The following TMEM213 variants were observed in gnomAD, a reference collection of about 807,000 sequenced individuals.
TMEM213 encodes transmembrane protein 213.
Under a neutral mutation model 11.6 loss-of-function variants are expected in TMEM213, and 7 were observed. The observed-to-expected ratio is 0.60, with a 90% CI of 0.34 to 1.13. TMEM213 has a LOEUF of 1.13. Among genes scored for constraint, TMEM213 ranks in the 50% most tolerant of loss-of-function variants. TMEM213 has a pLI of 0.03. For synonymous variants in TMEM213, 60 were observed against 58.3 expected, an observed-to-expected ratio of 1.03 and a Z score of -0.13; for missense variants, 129 against 139.0, an observed-to-expected ratio of 0.93 and a Z score of 0.36.
rs138299222 is a variant in TMEM213 at position 138,798,112 on chromosome 7, G to A, written c.8G>A (p.Arg3His). MQ[R>H]LPAATRATLI... Reference sequence around the variant, plus strand: ...CTCAGCACAGCCTCCAGCATGCAGCGCCTCCCCGCTGCCACCCGGGCCACC... The same window carrying A: ...CTCAGCACAGCCTCCAGCATGCAGCACCTCCCCGCTGCCACCCGGGCCACC... The change falls in exon 1 of 3, where the codon CGC becomes CAC. Residue 3 changes from arginine to histidine, a missense_variant. Physicochemically the swap from Arg to His is conservative, Grantham distance 29. Transcript: ENST00000442682. 2.1e-3 allele frequency: 3,310 copies of A among 1,598,030 alleles called. 45 individuals are homozygous for A. In the African/African-American group the frequency reaches 0.034, roughly 17 times the overall value.
intron 1 of TMEM213, among the ~76,000 whole-genome samples, chr7:138,800,630 A>C (rs1808904303): frequency 6.6e-6 from 1 of 151,082 alleles, no homozygotes; most frequent in South Asian, 2.1e-4. Flanking sequence ...ACGCCTTCTC[A>C]CTGGGTTCTC....
chr7:138,799,322 G>A (rs1002683593), intron 1 of TMEM213: 2 of 152,164 alleles, frequency 1.3e-5, no homozygotes, highest in Non-Finnish European at 2.9e-5. Context: ...TACCCCGACA[G>A]TGCCTTGCTT....
chr7:138,798,880 C>G lies in TMEM213; in HGVS notation c.82+694C>G, dbSNP rs539032115. 5.9e-5 allele frequency among the ~76,000 whole-genome samples: 9 copies of G among 152,282 alleles called. 1 individual carries two copies. The highest frequency in any genetic ancestry group is 1.9e-4 in the African/African-American group (8 of 41,568). On this transcript the variant is annotated intron_variant, in intron 1 of 2. Coordinates refer to ENST00000442682, the MANE Select transcript of TMEM213 (RefSeq NM_001085429.2). ...CTCCTGGCTTTGATCTTGTTCTCAG[C>G]CACCTCAGAACACCACCACACTCTC...
intron 1 of TMEM213, 115 bp downstream of exon 1, chr7:138,798,301 C>T (rs894411050): frequency 1.2e-4 from 104 of 834,814 alleles, no homozygotes; most frequent in Non-Finnish European, 1.7e-4. Flanking sequence ...GTTGGTCCTG[C>T]GCAAAGGAAG....
rs1444242144 is a variant in TMEM213, at chr7:138,805,185, T to C, written c.*2116T>C. On this transcript the variant is annotated 3_prime_UTR_variant, in exon 3 of 3. Transcript: ENST00000442682. ...CCTAAGTGTTAAATGATCACATACATAAAAGAGTCTGAGCCTGAGCAACAT... is the reference window on the plus strand; with the variant it reads ...CCTAAGTGTTAAATGATCACATACACAAAAGAGTCTGAGCCTGAGCAACAT... 7.1e-6 allele frequency: 1 copy of C among 140,686 alleles called. No individual in the cohort carries two copies. Among genetic ancestry groups the C allele is most frequent in the East Asian group, 2.1e-4 (1 of 4,862 alleles). The allele number at this position is 140,686 out of a possible 1,614,324, so 8.7% of individuals were successfully genotyped here. A position where few individuals can be genotyped will look rare whatever the true frequency, so the allele number is the denominator to read the frequency against.
chr7:138,802,578 G>A (rs1275868148), intron 2 of TMEM213, among the ~76,000 whole-genome samples: 2 of 146,496 alleles, frequency 1.4e-5, no homozygotes, highest in Non-Finnish European at 1.5e-5. Flanking sequence ...AAAGGAAGGG[G>A]TATTAGGGAA....
chr7:138,799,184 T>C (rs573573488), intron 1 of TMEM213: 2 of 152,322 alleles, frequency 1.3e-5, no homozygotes, highest in South Asian at 4.2e-4. Context: ...TTGATGTAAT[T>C]TCATGTAAAG....
At chr7:138,800,220 T>C (rs777127266) in intron 1 of TMEM213, among the ~76,000 whole-genome samples, 44 of 152,098 alleles carry the variant, frequency 2.9e-4, no homozygotes, top group Non-Finnish European at 5.1e-4. Context: ...TTGGCATGGG[T>C]CTAATGTAAA....
intron 1 of TMEM213, among the ~76,000 whole-genome samples, chr7:138,800,252 C>A (rs556146347): frequency 1.3e-5 from 2 of 152,136 alleles, no homozygotes; most frequent in South Asian, 4.2e-4. Flanking sequence ...GTTTTTTTTA[C>A]TGAATTTGAT....
intron 2 of TMEM213, 53 bp downstream of exon 2, chr7:138,801,451 A>C (rs984294670): frequency 6.6e-7 from 1 of 1,513,498 alleles, no homozygotes. Context: ...TCAGCCTGGG[A>C]GGGAAACAAA....
In TMEM213 at chr7:138,803,427, A is replaced by C; in HGVS notation, c.*358A>C. 4.4e-6 allele frequency: 1 copy of C among 228,134 alleles called. No individual in the cohort carries two copies. The highest frequency in any genetic ancestry group is 5.7e-5 in the South Asian group (1 of 17,400). 14.1% of individuals were successfully genotyped at this position (228,134 alleles called of 1,614,324 possible). A position where few individuals can be genotyped will look rare whatever the true frequency, so the allele number is the denominator to read the frequency against. ...AGCAAGTGCATAACCTTCTCACCAA[A>C]ACCAGGTTATCTGCTTCTGTCCCTG... On this transcript the variant is annotated 3_prime_UTR_variant, in exon 3 of 3. Transcript: ENST00000442682.
In TMEM213 at chr7:138,804,305, T is replaced by G. The variant is rs1809039943; in HGVS notation, c.*1236T>G. On this transcript the variant is annotated 3_prime_UTR_variant, in exon 3 of 3. Coordinates refer to ENST00000442682, the MANE Select transcript of TMEM213 (RefSeq NM_001085429.2). ...AGGAGTCCATCTGTCCCCCAGCACATCCAGGAGTAAGGATTCCGACTGGTC... is the reference window on the plus strand; with the variant it reads ...AGGAGTCCATCTGTCCCCCAGCACAGCCAGGAGTAAGGATTCCGACTGGTC... 1 of 152,394 alleles carries G rather than the reference T, an allele frequency of 6.6e-6. No individual in the cohort carries two copies. The highest frequency in any genetic ancestry group is 2.1e-4 in the South Asian group (1 of 4,832). The allele number at this position is 152,394 out of a possible 1,614,324, so 9.4% of individuals were successfully genotyped here.
rs567105335 is a variant in TMEM213, at chr7:138,804,181, C to G, written c.*1112C>G. ...ATCTTCCTCCCCGGCTCATCACTCC[C>G]CATGGGCAGCTGCCAGGGTAGGCGC... is the stretch of plus-strand genomic sequence containing the variant. On this transcript the variant is annotated 3_prime_UTR_variant, in exon 3 of 3. Transcript: ENST00000442682. The G allele has an allele frequency of 1.3e-5, 2 of 152,486 alleles. No individual in the cohort carries two copies. Among genetic ancestry groups the G allele is most frequent in the Admixed American group, 1.3e-4 (2 of 15,292 alleles). The allele number at this position is 152,486 out of a possible 1,614,324, so 9.4% of individuals were successfully genotyped here.
Position 138,806,438 on chromosome 7 carries a change from A to C in TMEM213, c.*3369A>C, listed in dbSNP as rs918006665. On this transcript the variant is annotated 3_prime_UTR_variant, in exon 3 of 3. Coordinates refer to ENST00000442682, the MANE Select transcript of TMEM213 (RefSeq NM_001085429.2). ...TGAGGTGGGAAGATCATTTGAGCCC[A>C]GGAGGTTGAGGCTGCAGTGAGCTAT... 6.6e-6 allele frequency: 1 copy of C among 152,190 alleles called. No individual in the cohort carries two copies. Among genetic ancestry groups the C allele is most frequent in the Non-Finnish European group, 1.5e-5 (1 of 68,040 alleles). The allele number at this position is 152,190 out of a possible 1,614,324, so 9.4% of individuals were successfully genotyped here.
At position 138,801,420 on chromosome 7, in the gene TMEM213, C is replaced by T. The variant is rs761891636; in HGVS notation, c.154+22C>T. On this transcript the variant is annotated intron_variant, in intron 2 of 2. Coordinates refer to ENST00000442682, the MANE Select transcript of TMEM213 (RefSeq NM_001085429.2). ...CTCAGTAAGCTTCTCCTGCCAACTG[C>T]TCTAACCCCAGAACTGGCCCTCAGC... is the stretch of plus-strand genomic sequence containing the variant. 8.2e-6 allele frequency: 13 copies of T among 1,593,358 alleles called. No individual in the cohort carries two copies. In the Admixed American group the frequency reaches 8.8e-5, roughly 11 times the overall value.
chr7:138,800,584 T>G (rs1410098534), intron 1 of TMEM213, among the ~76,000 whole-genome samples: 1 of 152,164 alleles, frequency 6.6e-6, no homozygotes, highest in Non-Finnish European at 1.5e-5. Flanking sequence ...GATGGTTTGA[T>G]TTCTCCTGAG....
In TMEM213 at chr7:138,802,986, C is replaced by T. The variant is rs983260509; in HGVS notation, c.241C>T (p.Leu81Phe). ...GATCGCGGCAGCTGTTGGCTGGAGC[C>T]TCTGGTTCCTCACCCTCATCCTGCT... ...GWIAAAVGWS[L>F]WFLTLILLCV... Residue 81 changes from leucine to phenylalanine, a missense_variant, in exon 3 of 3, where the codon CTC becomes TTC. Physicochemically the swap from Leu to Phe is conservative, Grantham distance 22. Coordinates refer to ENST00000442682, the MANE Select transcript of TMEM213 (RefSeq NM_001085429.2). The T allele has an allele frequency of 1.9e-6, 3 of 1,613,696 alleles. No individual in the cohort carries two copies. In the Admixed American group the frequency reaches 5.0e-5, roughly 27 times the overall value.
At chr7:138,801,209 G>A (rs6945259) in intron 1 of TMEM213, 118 bp from the exon 2 acceptor site, 3 of 923,360 alleles carry the variant, frequency 3.2e-6, no homozygotes, top group Non-Finnish European at 5.1e-6. Context: ...ATGCCCATGC[G>A]GGAGCTTCTA....
rs1277564620 is a variant in TMEM213 at position 138,805,229 on chromosome 7, CAA to C, written c.*2173_*2174del. 8 of 80,594 alleles carry C rather than the reference CAA, an allele frequency of 9.9e-5. No individual in the cohort carries two copies. Among genetic ancestry groups the C allele is most frequent in the Admixed American group, 1.4e-4 (1 of 7,066 alleles). The allele number at this position is 80,594 out of a possible 1,614,324, so 5.0% of individuals were successfully genotyped here. A position where few individuals can be genotyped will look rare whatever the true frequency, so the allele number is the denominator to read the frequency against. ...GCAACATAATGAGACCCTGTCTCTA[CAA>C]AAAAAAAAAAAAGATTAGCCAGGCG... On this transcript the variant is annotated 3_prime_UTR_variant, in exon 3 of 3. Coordinates refer to ENST00000442682, the MANE Select transcript of TMEM213 (RefSeq NM_001085429.2).
Sources: allele counts gnomAD v4.1 joint callset (sites outside exome capture counted in the v4.1 genomes callset), GRCh38; gene constraint gnomAD v4.1.1; transcripts MANE v1.5; gene names NCBI Gene and HGNC (gene_info 2026-07-23, HGNC 2026-07-21).